The following FADS6 variants were observed in gnomAD, a reference collection of about 807,000 sequenced individuals.
FADS6 encodes the protein fatty acid desaturase 6, also known as fatty acid desaturase domain family, member 6.
In FADS6, 28 loss-of-function variants were observed where a neutral mutation model predicts 31.7. The ratio of observed to expected loss-of-function variants is 0.88; its 90% CI spans 0.66 to 1.21. FADS6 has a LOEUF of 1.21. Ranked by LOEUF, FADS6 falls within the 50% of genes most tolerant of loss-of-function variation. The pLI is 0.00. For missense variants in FADS6, 494 were observed against 504.2 expected (o/e 0.98, Z 0.19); for synonymous variants, 191 against 213.1 (o/e 0.90, Z 0.90).
intron 2 of FADS6, 147 bp from the exon 3 acceptor site, chr17:74,882,857 T>A (rs1455121683): frequency 1.3e-6 from 2 of 1,510,228 alleles, no homozygotes; most frequent in South Asian, 2.5e-5. Context: ...GCTAATCCGC[T>A]TTGACCATCA....
chr17:74,878,224 C>T lies in FADS6; in HGVS notation c.*107G>A. 1 of 1,467,680 alleles carries T rather than the reference C, an allele frequency of 6.8e-7. No homozygotes were observed. Among genetic ancestry groups the T allele is most frequent in the East Asian group, 2.5e-5 (1 of 39,778 alleles). 90.9% of individuals were successfully genotyped at this position (1,467,680 alleles called of 1,614,324 possible). ...CCCCTGCCTGGCCGGTGCCTCCACT[C>T]TCCAGGTCCACCACCAGCCACTGAG... On this transcript the variant is annotated 3_prime_UTR_variant, in exon 6 of 6. Transcript: ENST00000612771.
chr17:74,891,770 A>G (rs1423365616), intron 2 of FADS6, among the ~76,000 whole-genome samples: 1 of 152,218 alleles, frequency 6.6e-6, no homozygotes, highest in Non-Finnish European at 1.5e-5. Flanking sequence ...TAATTGAGTT[A>G]ATTGGTCACA....
rs756402672 is a variant in FADS6 at position 74,893,596 on chromosome 17, G to C, written c.-1C>G. Reference sequence around the variant, plus strand: ...GTTCCATCGGCTCCGTGGGTTCCATGGACTCTGTGGGCTCGGGCCCGACGC... The same window carrying C: ...GTTCCATCGGCTCCGTGGGTTCCATCGACTCTGTGGGCTCGGGCCCGACGC... On this transcript the variant is annotated 5_prime_UTR_variant, in exon 1 of 6. Coordinates refer to ENST00000612771, the MANE Select transcript of FADS6 (RefSeq NM_178128.6). The C allele has an allele frequency of 3.2e-5, 40 of 1,256,676 alleles. No individual in the cohort carries two copies. The highest frequency in any genetic ancestry group is 1.1e-4 in the South Asian group (5 of 45,852). The allele number at this position is 1,256,676 out of a possible 1,614,324, so 77.8% of individuals were successfully genotyped here. A position where few individuals can be genotyped will look rare whatever the true frequency, so the allele number is the denominator to read the frequency against.
rs769037014 is a variant in FADS6 at position 74,879,566 on chromosome 17, C to T, written c.798G>A (p.Met266Ile). 3 of 1,612,584 alleles carry T rather than the reference C, an allele frequency of 1.9e-6. No homozygotes were observed. The highest frequency in any genetic ancestry group is 2.2e-5 in the East Asian group (1 of 44,874). ...GACGGGGCTTGTTGTCCCGGGAGAACATGGGCAGTCCGATGTGCTGTGACA... is the reference window on the plus strand; with the variant it reads ...GACGGGGCTTGTTGTCCCGGGAGAATATGGGCAGTCCGATGTGCTGTGACA... ...VNIFQHIGLP[M>I]FSRDNKPRRI... The change falls in exon 5 of 6, where the codon ATG becomes ATA. Residue 266 changes from methionine (M) to isoleucine (I), a missense_variant. By Grantham distance (10) the Met-to-Ile change is conservative. This residue lies in a region of FADS6 where 454 missense variants were observed against 438.5 expected (regional missense o/e 1.04). Transcript: ENST00000612771.
At position 74,878,189 on chromosome 17, in the gene FADS6, C is replaced by G. The variant is rs1032936436; in HGVS notation, c.*142G>C. ...GTGGCCCCCAGACCCCAGGCCTGAG[C>G]TCCCCTGCCCCCCTGCCTGGCCGGT... On this transcript the variant is annotated 3_prime_UTR_variant, in exon 6 of 6. Transcript: ENST00000612771. 1.4e-6 allele frequency: 2 copies of G among 1,433,038 alleles called. No individual in the cohort carries two copies. Among genetic ancestry groups the G allele is most frequent in the South Asian group, 1.5e-5 (1 of 66,728 alleles). The allele number at this position is 1,433,038 out of a possible 1,614,324, so 88.8% of individuals were successfully genotyped here. A position where few individuals can be genotyped will look rare whatever the true frequency, so the allele number is the denominator to read the frequency against.
chr17:74,879,375 C>T (rs1361119453), intron 5 of FADS6, 29 bp downstream of exon 5: 2 of 1,606,808 alleles, frequency 1.2e-6, no homozygotes, highest in Non-Finnish European at 1.7e-6. Flanking sequence ...TCCCTTTATT[C>T]CAGCGCCCCC....
chr17:74,879,289 A>C (rs1047553346), intron 5 of FADS6, 115 bp downstream of exon 5: 2 of 1,308,390 alleles, frequency 1.5e-6, no homozygotes, highest in East Asian at 5.2e-5. Flanking sequence ...TGCCCACCTC[A>C]GCCTCCGCAA....
downstream of FADS6, among the ~76,000 whole-genome samples, chr17:74,875,696 TTTGA>T: frequency 6.6e-6 from 1 of 152,186 alleles, no homozygotes; most frequent in East Asian, 1.9e-4. Context: ...GAATTAGCAG[TTTGA>T]TTAATTACAC....
chr17:74,884,955 C>T (rs1266860519), intron 2 of FADS6, among the ~76,000 whole-genome samples: 2 of 152,154 alleles, frequency 1.3e-5, no homozygotes, highest in Non-Finnish European at 2.9e-5. Flanking sequence ...GTTATCCACC[C>T]GCCTCGGCCT....
At chr17:74,888,147 C>CGT (rs1567928512) in intron 2 of FADS6, among the ~76,000 whole-genome samples, 8 of 93,996 alleles carry the variant, frequency 8.5e-5, no homozygotes, top group African/African-American at 1.5e-4. Flanking sequence ...CACACACACA[C>CGT]ACACACACGC....
intron 2 of FADS6, among the ~76,000 whole-genome samples, chr17:74,883,106 A>G (rs1280705761): frequency 3.9e-5 from 6 of 152,222 alleles, no homozygotes; most frequent in Admixed American, 1.3e-4. Context: ...GCTCGTTAAT[A>G]ACACTGAGCA....
At chr17:74,884,251 G>C (rs752242058) in intron 2 of FADS6, among the ~76,000 whole-genome samples, 33 of 152,160 alleles carry the variant, frequency 2.2e-4, no homozygotes, top group Non-Finnish European at 4.3e-4. Flanking sequence ...TCCTGCCCCA[G>C]AGCCAGCCCG....
At chr17:74,891,638 A>G (rs2038690138) in intron 2 of FADS6, among the ~76,000 whole-genome samples, 1 of 151,984 alleles carries the variant, frequency 6.6e-6, no homozygotes, top group Non-Finnish European at 1.5e-5. Flanking sequence ...GGGGCAGGGG[A>G]GGGGAAGAAG....
At position 74,886,285 on chromosome 17, in the gene FADS6, G is replaced by A. The variant is rs575340747; in HGVS notation, c.412-3575C>T. Among the ~76,000 whole-genome samples, 172 of 147,260 alleles carry A rather than the reference G, an allele frequency of 1.2e-3. 1 individual carries two copies. In the South Asian group the frequency reaches 0.017, roughly 14 times the overall value. On this transcript the variant is annotated intron_variant, in intron 2 of 5. Coordinates refer to ENST00000612771, the MANE Select transcript of FADS6 (RefSeq NM_178128.6). ...TTCAAGACCAGCCTGGCCAACATGGGGAAACCCCTACTAAAAATACAAAAA... is the reference window on the plus strand; with the variant it reads ...TTCAAGACCAGCCTGGCCAACATGGAGAAACCCCTACTAAAAATACAAAAA...
At chr17:74,879,702 C>G in intron 4 of FADS6, 119 bp from the exon 5 acceptor site, 1 of 1,085,966 alleles carries the variant, frequency 9.2e-7, no homozygotes, top group Non-Finnish European at 1.3e-6. Context: ...TGTGGGGGGA[C>G]CTGGTAGAGG....
In FADS6 at chr17:74,879,592, G is replaced by A. The variant is rs1306002928; in HGVS notation, c.781-9C>T. On this transcript the variant is annotated splice_polypyrimidine_tract_variant and intron_variant, in intron 4 of 5. Coordinates refer to ENST00000612771, the MANE Select transcript of FADS6 (RefSeq NM_178128.6). ...ATGGGCAGTCCGATGTGCTGTGACA[G>A]ACACGTGGGTCACGCCGGGCAGCCT... 1.2e-6 allele frequency: 2 copies of A among 1,607,976 alleles called. No individual in the cohort carries two copies. Among genetic ancestry groups the A allele is most frequent in the Non-Finnish European group, 1.7e-6 (2 of 1,176,804 alleles).
Position 74,882,678 on chromosome 17 carries a change from CGTGG to C in FADS6, c.440_443del (p.Ala147GlyfsTer53). 1 of 1,611,018 alleles carries C rather than the reference CGTGG, an allele frequency of 6.2e-7. No individual in the cohort carries two copies. The highest frequency in any genetic ancestry group is 1.1e-5 in the South Asian group (1 of 90,262). ...CATGGTGCATCTTGACGTGCCCATG[CGTGG>C]CGTGCTCTGCAGTGAAGGCTGTGCA... On this transcript the variant is annotated frameshift_variant, in exon 3 of 6. Transcript: ENST00000612771. LOFTEE classifies it high-confidence loss of function.
chr17:74,891,043 C>G (rs1463479032), intron 2 of FADS6, among the ~76,000 whole-genome samples: 1 of 152,156 alleles, frequency 6.6e-6, no homozygotes, highest in Non-Finnish European at 1.5e-5. Flanking sequence ...GTCCCAAAGC[C>G]TCAGTACCTG....
chr17:74,891,112 A>ATTTTT (rs72258963), intron 2 of FADS6, among the ~76,000 whole-genome samples: 4 of 123,130 alleles, frequency 3.2e-5, no homozygotes, highest in Admixed American at 1.7e-4. Context: ...TTTCTTTTTG[A>ATTTTT]TTTTTTTTTT....
Sources: gnomAD v4.1 joint callset for allele counts (sites outside exome capture counted in the v4.1 genomes callset) on GRCh38, gnomAD v4.1.1 for gene constraint, gnomAD v4.1.1 regional missense constraint, MANE v1.5 for transcripts, NCBI Gene and HGNC (gene_info 2026-07-23, HGNC 2026-07-21) for gene names.